PDE7A: variants seen among roughly 807,000 people sequenced by gnomAD.
PDE7A encodes the protein high affinity 3',5'-cyclic-AMP phosphodiesterase 7A.
Under a neutral mutation model 64.3 loss-of-function variants are expected in PDE7A, and 39 were observed. That is an observed-to-expected ratio of 0.61 (90% CI 0.47 to 0.79). The LOEUF is 0.79. Ranked by LOEUF, PDE7A falls within the 30% of genes least tolerant of loss-of-function variation. PDE7A has a pLI of 0.00. For missense variants in PDE7A, 470 were observed against 582.8 expected, an observed-to-expected ratio of 0.81 and a Z score of 1.99; for synonymous variants, 203 against 206.8, an observed-to-expected ratio of 0.98 and a Z score of 0.16.
At chr8:65,763,764 G>A (rs538066084) in intron 3 of PDE7A, among the ~76,000 whole-genome samples, 29 of 152,158 alleles carry the variant, frequency 1.9e-4, no homozygotes, top group Admixed American at 5.2e-4. Context: ...AGTACACAAA[G>A]TCTTAATGCA....
chr8:65,728,505 T>C (rs1806700008), intron 7 of PDE7A: 1 of 152,182 alleles, frequency 6.6e-6, no homozygotes, highest in Non-Finnish European at 1.5e-5. Context: ...CGCATATAAT[T>C]AGTACACGGA....
intron 1 of PDE7A, among the ~76,000 whole-genome samples, chr8:65,832,387 G>A (rs1410758517): frequency 2.6e-5 from 4 of 152,114 alleles, no homozygotes; most frequent in African/African-American, 9.7e-5. Context: ...TAAACTTGAA[G>A]ATTAACCTTT....
chr8:65,744,478 A>G (rs1485470752), intron 5 of PDE7A, among the ~76,000 whole-genome samples: 4 of 152,172 alleles, frequency 2.6e-5, no homozygotes, highest in Admixed American at 2.0e-4. Context: ...CGCAAAGAGA[A>G]TAAGAAAACA....
chr8:65,835,169 GA>G (rs1326084080), intron 1 of PDE7A, among the ~76,000 whole-genome samples: 6 of 152,156 alleles, frequency 3.9e-5, no homozygotes, highest in Non-Finnish European at 8.8e-5. Context: ...TTCACAGCCA[GA>G]ATTTAAGTTT....
At chr8:65,745,233 T>A (rs558981120) in intron 5 of PDE7A, among the ~76,000 whole-genome samples, 174 bp downstream of exon 5, 24 of 152,216 alleles carry the variant, frequency 1.6e-4, no homozygotes, top group Non-Finnish European at 3.2e-4. Context: ...TTTTTCTCAA[T>A]TACCCAGTCT....
intron 1 of PDE7A, among the ~76,000 whole-genome samples, chr8:65,820,830 TC>T (rs1398765548): frequency 5.9e-5 from 9 of 152,134 alleles, no homozygotes; most frequent in Non-Finnish European, 1.2e-4. Flanking sequence ...CCTTAGATGA[TC>T]CACCCGCCTC....
At chr8:65,833,800 C>T (rs1038808591) in intron 1 of PDE7A, among the ~76,000 whole-genome samples, 5 of 151,986 alleles carry the variant, frequency 3.3e-5, no homozygotes, top group African/African-American at 1.2e-4. Flanking sequence ...CCCATCTCTA[C>T]AAAAACTAGA....
intron 1 of PDE7A, among the ~76,000 whole-genome samples, chr8:65,819,323 G>C (rs770553187): frequency 6.6e-6 from 1 of 152,214 alleles, no homozygotes; most frequent in Non-Finnish European, 1.5e-5. Flanking sequence ...CTTAAGCACG[G>C]ACGTTCAGGG....
At chr8:65,789,669 C>T (rs1309771388) in intron 1 of PDE7A, among the ~76,000 whole-genome samples, 1 of 152,176 alleles carries the variant, frequency 6.6e-6, no homozygotes, top group East Asian at 1.9e-4. Flanking sequence ...ATCTTGTTCT[C>T]GCGGCTGTAA....
At chr8:65,821,367 G>C (rs1030548855) in intron 1 of PDE7A, among the ~76,000 whole-genome samples, 2 of 151,040 alleles carry the variant, frequency 1.3e-5, no homozygotes, top group Admixed American at 1.3e-4. Context: ...AGCAATTTAA[G>C]GTTAAAATTC....
At chr8:65,756,141 T>C (rs887284331) in intron 3 of PDE7A, among the ~76,000 whole-genome samples, 3 of 152,234 alleles carry the variant, frequency 2.0e-5, no homozygotes, top group South Asian at 2.1e-4. Flanking sequence ...ATTAATCTTA[T>C]TGAGAATCCC....
intron 1 of PDE7A, among the ~76,000 whole-genome samples, chr8:65,812,964 A>C (rs1810292495): frequency 1.3e-5 from 2 of 151,944 alleles, no homozygotes; most frequent in African/African-American, 4.8e-5. Context: ...ATTAGAATAA[A>C]TTTTCAAATG....
intron 3 of PDE7A, among the ~76,000 whole-genome samples, chr8:65,752,841 A>G (rs1442689252): frequency 6.6e-6 from 1 of 152,040 alleles, no homozygotes; most frequent in Non-Finnish European, 1.5e-5. Context: ...CTTTTTAACT[A>G]TTTGTTTGCT....
chr8:65,734,768 A>G (rs1421349408), intron 7 of PDE7A, 26 bp downstream of exon 7: 35 of 1,259,310 alleles, frequency 2.8e-5, no homozygotes, highest in Non-Finnish European at 4.1e-5. Context: ...TATGATTTTC[A>G]CCTGAAATCA....
At position 65,841,892 on chromosome 8, in the gene PDE7A, T is replaced by C; in HGVS notation, c.-384A>G. The C allele has an allele frequency of 4.9e-6, 1 of 204,252 alleles. No individual in the cohort carries two copies. The highest frequency in any genetic ancestry group is 7.3e-5 in the South Asian group (1 of 13,668). 12.7% of individuals were successfully genotyped at this position (204,252 alleles called of 1,614,324 possible). On this transcript the variant is annotated 5_prime_UTR_variant, in exon 1 of 13. Coordinates refer to ENST00000401827, the MANE Select transcript of PDE7A (RefSeq NM_001242318.3). ...GCGCAGCACGAACGGAGCAAAGCAGTGCAAGAAAAGACAGCTGGAGCCAGC... is the reference window on the plus strand; with the variant it reads ...GCGCAGCACGAACGGAGCAAAGCAGCGCAAGAAAAGACAGCTGGAGCCAGC...
chr8:65,814,756 C>A (rs1195199947), intron 1 of PDE7A, among the ~76,000 whole-genome samples: 2 of 151,964 alleles, frequency 1.3e-5, no homozygotes, highest in Non-Finnish European at 2.9e-5. Context: ...ATAATCCCAG[C>A]ACTTTTGGGA....
At chr8:65,741,180 AC>A (rs1807415737) in intron 5 of PDE7A, among the ~76,000 whole-genome samples, 1 of 152,208 alleles carries the variant, frequency 6.6e-6, no homozygotes. Flanking sequence ...AATTAAATAG[AC>A]CACGTTTTAA....
chr8:65,767,966 TTGGGGGC>T (rs1808876893), intron 3 of PDE7A, among the ~76,000 whole-genome samples: 1 of 152,066 alleles, frequency 6.6e-6, no homozygotes, highest in African/African-American at 2.4e-5. Context: ...TGTCTGGGTT[TTGGGGGC>T]TGGGAGGCAG....
At chr8:65,729,417 G>C (rs1181620710) in intron 7 of PDE7A, among the ~76,000 whole-genome samples, 1 of 127,692 alleles carries the variant, frequency 7.8e-6, no homozygotes, top group African/African-American at 3.0e-5. Flanking sequence ...AAATATAGTA[G>C]AAATAGCAGA....
Sources: allele counts gnomAD v4.1 joint callset (sites outside exome capture counted in the v4.1 genomes callset), GRCh38; gene constraint gnomAD v4.1.1; transcripts MANE v1.5; gene names NCBI Gene and HGNC (gene_info 2026-07-23, HGNC 2026-07-21).